Variants in DRD3 observed in about 807,000 individuals in gnomAD.
DRD3 encodes the protein dopamine receptor D3, also known as D(3) dopamine receptor.
A neutral mutation model predicts 36.3 loss-of-function variants in DRD3; 19 were observed. That is an observed-to-expected ratio of 0.52 (90% CI 0.36 to 0.77). The LOEUF (loss-of-function observed/expected upper bound fraction) is 0.77. Ranked by LOEUF, DRD3 falls within the 30% of genes least tolerant of loss-of-function variation. The pLI is 0.00. For synonymous variants in DRD3, 195 were observed against 203.7 expected, an observed-to-expected ratio of 0.96 and a Z score of 0.36; for missense variants, 465 against 505.3, an observed-to-expected ratio of 0.92 and a Z score of 0.77.
Position 114,171,773 on chromosome 3 carries a change from C to T in DRD3, c.220G>A (p.Ala74Thr). Reference protein sequence around the residue: ...TNYLVVSLAVADLLVATLVMP... With the variant: ...TNYLVVSLAVTDLLVATLVMP... Reference sequence around the variant, plus strand: ...ACCAAGGTGGCCACCAGCAAGTCTGCCACAGCCAGGCTCACTACTAAGTAG... The same window carrying T: ...ACCAAGGTGGCCACCAGCAAGTCTGTCACAGCCAGGCTCACTACTAAGTAG... Residue 74 changes from alanine (A) to threonine (T), a missense_variant, in exon 2 of 7, where the codon GCA becomes ACA. Transcript: ENST00000383673. The T allele has an allele frequency of 1.2e-6, 2 of 1,612,750 alleles. No individual in the cohort carries two copies. Among genetic ancestry groups the T allele is most frequent in the South Asian group, 1.1e-5 (1 of 90,800 alleles).
intron 2 of DRD3, among the ~76,000 whole-genome samples, chr3:114,163,108 C>T (rs1272474024): frequency 1.3e-5 from 2 of 152,206 alleles, no homozygotes; most frequent in Non-Finnish European, 2.9e-5. Context: ...TCTCCTGATT[C>T]TGCCATGAAA....
intron 2 of DRD3, among the ~76,000 whole-genome samples, chr3:114,163,364 C>A (rs2077751450): frequency 6.6e-6 from 1 of 152,022 alleles, no homozygotes; most frequent in Admixed American, 6.6e-5. Flanking sequence ...TGGTAATTCT[C>A]ACACATTTTC....
intron 1 of DRD3, among the ~76,000 whole-genome samples, chr3:114,198,023 G>A (rs1340791414): frequency 1.3e-5 from 2 of 152,114 alleles, no homozygotes; most frequent in Admixed American, 6.5e-5. Context: ...TACAGATCAA[G>A]TTATATAGAT....
intron 3 of DRD3, among the ~76,000 whole-genome samples, chr3:114,153,103 C>G (rs2077633912): frequency 6.6e-6 from 1 of 152,202 alleles, no homozygotes; most frequent in Non-Finnish European, 1.5e-5. Context: ...GCATGAGAAA[C>G]GGACTGATCA....
chr3:114,196,164 A>G (rs2078034977), intron 1 of DRD3, among the ~76,000 whole-genome samples: 1 of 152,232 alleles, frequency 6.6e-6, no homozygotes, highest in African/African-American at 2.4e-5. Context: ...TGTTGTTTGT[A>G]TCAGTAGTCA....
chr3:114,199,245 A>G (rs2078052509), intron 1 of DRD3: 1 of 150,226 alleles, frequency 6.7e-6, no homozygotes, highest in Admixed American at 6.6e-5. Context: ...TGGATAATTT[A>G]TAATGAACAG....
At chr3:114,141,773 C>T (rs1301187188) in intron 4 of DRD3, among the ~76,000 whole-genome samples, 1 of 152,070 alleles carries the variant, frequency 6.6e-6, no homozygotes, top group East Asian at 1.9e-4. Flanking sequence ...TTATAGGGGC[C>T]AGGCATGGTG....
chr3:114,138,921 G>A (rs1263503450), intron 5 of DRD3, among the ~76,000 whole-genome samples: 1 of 152,196 alleles, frequency 6.6e-6, no homozygotes, highest in Non-Finnish European at 1.5e-5. Context: ...CTAAGTGCCA[G>A]ACAATGGGGT....
chr3:114,184,530 A>G (rs534778864), intron 1 of DRD3, among the ~76,000 whole-genome samples: 2 of 152,128 alleles, frequency 1.3e-5, no homozygotes, highest in South Asian at 4.1e-4. Context: ...TTCTTCATAC[A>G]GCTTCAAGTT....
upstream of DRD3, among the ~76,000 whole-genome samples, chr3:114,182,561 A>T (rs2077953700): frequency 6.6e-6 from 1 of 151,284 alleles, no homozygotes; most frequent in Admixed American, 6.6e-5. Flanking sequence ...TTTTCGACCT[A>T]TTTTCTTCCT....
intron 1 of DRD3, among the ~76,000 whole-genome samples, chr3:114,195,775 A>G (rs2078033103): frequency 6.6e-6 from 1 of 152,236 alleles, no homozygotes; most frequent in African/African-American, 2.4e-5. Flanking sequence ...CTTTAAACTT[A>G]TAAAATATCT....
At chr3:114,131,024 T>C in intron 6 of DRD3, 94 bp downstream of exon 6, 2 of 1,377,148 alleles carry the variant, frequency 1.5e-6, no homozygotes, top group Non-Finnish European at 2.0e-6. Context: ...TAAGTATTAC[T>C]GTCATCAAAT....
At position 114,131,124 on chromosome 3, in the gene DRD3, C is replaced by G. The variant is rs201888918; in HGVS notation, c.1000G>C (p.Val334Leu). Residue 334 changes from valine (V) to leucine (L), a missense_variant, in exon 6 of 7, where the codon GTG becomes CTG. Val to Leu is a conservative substitution (Grantham distance 32). Transcript: ENST00000383673. ...EKKATQMVAI[V>L]LGAFIVCWLP... The stretch of plus-strand genomic sequence containing the variant: ...CAAGCCAACCCAAACTTACCAAGCA[C>G]AATGGCCACCATTTGGGTTGCCTTC... 6.8e-6 allele frequency: 11 copies of G among 1,613,182 alleles called. No homozygotes were observed. The highest frequency in any genetic ancestry group is 9.3e-6 in the Non-Finnish European group (11 of 1,179,272).
intron 5 of DRD3, among the ~76,000 whole-genome samples, chr3:114,138,655 T>C (rs1016293726): frequency 2.6e-5 from 4 of 152,152 alleles, no homozygotes; most frequent in Admixed American, 2.0e-4. Flanking sequence ...ACTGAGCATA[T>C]TGGGTTTTCT....
intron 2 of DRD3, among the ~76,000 whole-genome samples, chr3:114,161,821 AAAAGCGTCT>A (rs2077736415): frequency 6.6e-6 from 1 of 152,248 alleles, no homozygotes; most frequent in Non-Finnish European, 1.5e-5. Flanking sequence ...TGCATACTGT[AAAAGCGTCT>A]TGCAAAAGCT....
chr3:114,153,423 T>C (rs960993144), intron 3 of DRD3, among the ~76,000 whole-genome samples: 12 of 152,218 alleles, frequency 7.9e-5, no homozygotes, highest in Non-Finnish European at 1.5e-4. Context: ...CCTCCTGATA[T>C]CAGGTAATAT....
intron 4 of DRD3, among the ~76,000 whole-genome samples, 182 bp from the exon 5 acceptor site, chr3:114,139,878 T>G (rs911542068): frequency 1.3e-5 from 2 of 152,200 alleles, no homozygotes; most frequent in Non-Finnish European, 2.9e-5. Flanking sequence ...AATTCATCTT[T>G]GAGTTTCTTA....
At chr3:114,149,425 T>C (rs114073662) in intron 3 of DRD3, among the ~76,000 whole-genome samples, 1,661 of 152,294 alleles carry the variant, frequency 0.011, 31 homozygotes, top group African/African-American at 0.037. Flanking sequence ...AGCCTCCTCG[T>C]TGGTCTCCTG....
chr3:114,178,087 T>C (rs899458933), intron 1 of DRD3, among the ~76,000 whole-genome samples: 1 of 152,134 alleles, frequency 6.6e-6, no homozygotes. Context: ...GTAATGGAAG[T>C]CTCACAATTA....
Sources: gnomAD v4.1 joint callset for allele counts (sites outside exome capture counted in the v4.1 genomes callset) on GRCh38, gnomAD v4.1.1 for gene constraint, MANE v1.5 for transcripts, NCBI Gene and HGNC (gene_info 2026-07-23, HGNC 2026-07-21) for gene names.